PTPRD: variants seen among roughly 807,000 people sequenced by gnomAD.
PTPRD encodes the protein receptor-type tyrosine-protein phosphatase delta.
PTPRD carries 34 observed loss-of-function variants against 214.5 expected under a neutral mutation model. The ratio of observed to expected loss-of-function variants is 0.16; its 90% confidence interval spans 0.12 to 0.21. PTPRD has a LOEUF of 0.21. PTPRD is among the 10% of genes least tolerant of loss of function. The probability of loss-of-function intolerance (pLI) is 1.00; values close to 1 mark genes in which losing one functional copy is unlikely to be tolerated. For missense variants in PTPRD, 2,545 were observed against 2,398.7 expected (o/e 1.06, Z -1.27); for synonymous variants, 1,128 against 845.7 (o/e 1.33, Z -5.79).
At chr9:10,263,252 G>A (rs2093815532) in intron 3 of PTPRD, among the ~76,000 whole-genome samples, 1 of 152,190 alleles carries the variant, frequency 6.6e-6, no homozygotes, top group Non-Finnish European at 1.5e-5. Flanking sequence ...ACTGACTTTG[G>A]AACTGAGTAA....
At chr9:9,968,324 C>T (rs1463601580) in intron 4 of PTPRD, among the ~76,000 whole-genome samples, 5 of 152,104 alleles carry the variant, frequency 3.3e-5, no homozygotes, top group African/African-American at 9.7e-5. Context: ...TTCAGTAGTA[C>T]AACCCCTAAA....
intron 11 of PTPRD, among the ~76,000 whole-genome samples, chr9:8,777,226 T>G (rs896132247): frequency 6.6e-5 from 10 of 152,066 alleles, no homozygotes; most frequent in African/African-American, 2.4e-4. Context: ...GTGATACTCC[T>G]GCTTCCACCT....
At chr9:9,505,262 T>C (rs2096543225) in intron 8 of PTPRD, among the ~76,000 whole-genome samples, 1 of 151,644 alleles carries the variant, frequency 6.6e-6, no homozygotes, top group South Asian at 2.1e-4. Context: ...GATTAAATAA[T>C]TAATCAGCAG....
intron 11 of PTPRD, among the ~76,000 whole-genome samples, chr9:8,915,065 C>T (rs186852927): frequency 1.9e-4 from 29 of 152,220 alleles, no homozygotes; most frequent in Admixed American, 1.8e-3. Context: ...GCTAAGAAAG[C>T]TCTCTAAGAG....
intron 11 of PTPRD, among the ~76,000 whole-genome samples, chr9:8,943,887 A>G (rs1362856888): frequency 6.6e-6 from 1 of 152,002 alleles, no homozygotes; most frequent in Non-Finnish European, 1.5e-5. Context: ...AACCAAAACA[A>G]AAAAGGGCAA....
chr9:8,422,147 C>CAAAA (rs768623202), intron 35 of PTPRD, among the ~76,000 whole-genome samples: 542 of 34,024 alleles, frequency 0.016, 56 homozygotes, highest in Non-Finnish European at 0.018. Context: ...ACCCTGTCTC[C>CAAAA]AAAAAAAAAA....
chr9:9,240,187 T>C (rs2099969672), intron 9 of PTPRD, among the ~76,000 whole-genome samples: 1 of 151,920 alleles, frequency 6.6e-6, no homozygotes, highest in African/African-American at 2.4e-5. Flanking sequence ...AAAAATAGTT[T>C]CAAAAATATT....
chr9:9,395,609 G>A (rs544935306), intron 9 of PTPRD, among the ~76,000 whole-genome samples: 28 of 152,140 alleles, frequency 1.8e-4, no homozygotes, highest in Middle Eastern at 3.4e-3. Flanking sequence ...TGGACCAGTG[G>A]CAGATTTCCT....
intron 11 of PTPRD, among the ~76,000 whole-genome samples, chr9:8,749,274 G>A (rs527690523): frequency 3.3e-5 from 5 of 152,068 alleles, no homozygotes; most frequent in African/African-American, 4.8e-5. Flanking sequence ...TTCCGCCTCC[G>A]GGTTCAAGCA....
intron 3 of PTPRD, among the ~76,000 whole-genome samples, chr9:10,127,040 G>C (rs1172992201): frequency 6.7e-6 from 1 of 150,356 alleles, no homozygotes; most frequent in Non-Finnish European, 1.5e-5. Flanking sequence ...TTCAGGGAAA[G>C]CAAGGGAAAC....
intron 12 of PTPRD, among the ~76,000 whole-genome samples, chr9:8,684,599 T>C (rs2097639134): frequency 6.6e-6 from 1 of 152,182 alleles, no homozygotes; most frequent in Non-Finnish European, 1.5e-5. Context: ...CTACACTGAA[T>C]CCTATCATTT....
chr9:10,094,328 G>A (rs1355010013), intron 3 of PTPRD, among the ~76,000 whole-genome samples: 1 of 151,182 alleles, frequency 6.6e-6, no homozygotes, highest in Non-Finnish European at 1.5e-5. Context: ...GTCACTGGAT[G>A]TTGAATGAGA....
chr9:8,543,629 G>A (rs772456819), intron 14 of PTPRD, among the ~76,000 whole-genome samples: 2 of 152,122 alleles, frequency 1.3e-5, no homozygotes, highest in African/African-American at 2.4e-5. Flanking sequence ...AGTTACATGG[G>A]CACATGTTGT....
At chr9:10,315,234 G>C (rs1472928225) in intron 3 of PTPRD, among the ~76,000 whole-genome samples, 1 of 151,760 alleles carries the variant, frequency 6.6e-6, no homozygotes, top group Non-Finnish European at 1.5e-5. Context: ...TAAAATGTTT[G>C]TTTTTAAAAT....
intron 4 of PTPRD, among the ~76,000 whole-genome samples, chr9:10,006,162 T>C (rs2096469192): frequency 6.6e-6 from 1 of 152,042 alleles, no homozygotes; most frequent in Non-Finnish European, 1.5e-5. Context: ...ACTAAAAATG[T>C]AAATAAGAGT....
intron 10 of PTPRD, among the ~76,000 whole-genome samples, chr9:9,031,663 G>A (rs1312119570): frequency 6.6e-6 from 1 of 152,008 alleles, no homozygotes; most frequent in East Asian, 1.9e-4. Context: ...ATAAATTAAT[G>A]AAAGTGTGAA....
chr9:8,443,149 C>T (rs1481619301), intron 34 of PTPRD, among the ~76,000 whole-genome samples: 1 of 152,128 alleles, frequency 6.6e-6, no homozygotes, highest in East Asian at 1.9e-4. Context: ...TGCCTCAAAA[C>T]ATTTTAAAAA....
chr9:9,461,987 T>C (rs1249541199), intron 8 of PTPRD, among the ~76,000 whole-genome samples: 1 of 152,188 alleles, frequency 6.6e-6, no homozygotes, highest in Non-Finnish European at 1.5e-5. Flanking sequence ...CAAATTACTT[T>C]GTTGTAATCT....
chr9:9,405,604 T>C (rs1297021403), intron 8 of PTPRD, among the ~76,000 whole-genome samples: 1 of 152,062 alleles, frequency 6.6e-6, no homozygotes, highest in Non-Finnish European at 1.5e-5. Context: ...ACTTGTGCTT[T>C]AGCTAAGTTA....
Sources: gnomAD v4.1 joint callset for allele counts (sites outside exome capture counted in the v4.1 genomes callset) on GRCh38, gnomAD v4.1.1 for gene constraint, MANE v1.5 for transcripts, NCBI Gene and HGNC (gene_info 2026-07-23, HGNC 2026-07-21) for gene names.